Variants in CST3 observed in about 807,000 individuals in gnomAD.
The protein encoded by CST3 is cystatin-C.
In CST3, 14 loss-of-function variants were observed where a neutral mutation model predicts 9.0. That is an observed-to-expected ratio of 1.56 (90% CI 1.03 to 2.44). The LOEUF is 2.44. Ranked by LOEUF, CST3 falls within the 30% of genes most tolerant of loss-of-function variation. The pLI, the probability that CST3 is intolerant of heterozygous loss-of-function variation, is 0.00. For missense variants in CST3, 237 were observed against 204.3 expected (o/e 1.16, Z -0.98); for synonymous variants, 96 against 90.2 (o/e 1.06, Z -0.37).
downstream of CST3, chr20:23,629,250 T>G (rs192654344): frequency 6.6e-6 from 1 of 151,568 alleles, no homozygotes; most frequent in African/African-American, 2.4e-5. Flanking sequence ...AAACTGCTAT[T>G]GTTGTTGTAA....
At chr20:23,634,506 T>C (rs1405883633) in intron 2 of CST3, among the ~76,000 whole-genome samples, 4 of 152,148 alleles carry the variant, frequency 2.6e-5, no homozygotes, top group African/African-American at 7.2e-5. Context: ...TTGGAGAAGC[T>C]GGTGTTGGGT....
chr20:23,636,066 G>T (rs188571844), intron 1 of CST3, among the ~76,000 whole-genome samples: 1 of 152,252 alleles, frequency 6.6e-6, no homozygotes, highest in Admixed American at 6.5e-5. Context: ...CAAGGCCTGT[G>T]ATCCCTCTGG....
chr20:23,635,197 CACA>C, intron 2 of CST3, 54 bp downstream of exon 2: 1 of 1,423,692 alleles, frequency 7.0e-7, no homozygotes, highest in South Asian at 1.2e-5. Flanking sequence ...CACACACACA[CACA>C]CACACACCCC....
chr20:23,635,468 C>T, intron 1 of CST3, 101 bp from the exon 2 acceptor site: 3 of 1,017,034 alleles, frequency 2.9e-6, no homozygotes, highest in Non-Finnish European at 3.0e-6. Context: ...TTGCCTGGGG[C>T]TTCAAGCCTA....
chr20:23,632,533 G>A (rs531881060), downstream of CST3, among the ~76,000 whole-genome samples: 1 of 152,308 alleles, frequency 6.6e-6, no homozygotes, highest in South Asian at 2.1e-4. Flanking sequence ...TCAGGGTGGA[G>A]AGGAAAAGGA....
rs563244065 is a variant in CST3, at chr20:23,637,679, T to C, written c.184A>G (p.Lys62Glu). 12 of 1,539,814 alleles carry C rather than the reference T, an allele frequency of 7.8e-6. No individual in the cohort carries two copies. The highest frequency in any genetic ancestry group is 1.0e-5 in the Non-Finnish European group (12 of 1,143,668). ...ALDFAVGEYNKASNDMYHSRA... is the reference protein window; with the variant it reads ...ALDFAVGEYNEASNDMYHSRA... ...CTGTGGTACATGTCGTTGCTGGCTT[T>C]GTTGTACTCGCCGACGGCAAAGTCC... is the stretch of plus-strand genomic sequence containing the variant. The change falls in exon 1 of 3, where the codon AAA becomes GAA. Residue 62 changes from lysine to glutamate, a missense_variant. Coordinates refer to ENST00000376925, the MANE Select transcript of CST3 (RefSeq NM_000099.4).
chr20:23,637,627 C>T lies in CST3; in HGVS notation c.236G>A (p.Arg79His). ...GCGGGGGGCGGCACGCACCTGCTTG[C>T]GGGCGCGCACCACCTGCAGCGCGCG... ...HSRALQVVRA[R>H]KQIVAGVNYF... is the part of the protein sequence containing the mutation. The change falls in exon 1 of 3, where the codon CGC becomes CAC. Residue 79 changes from arginine to histidine, a missense_variant. Coordinates refer to ENST00000376925, the MANE Select transcript of CST3 (RefSeq NM_000099.4). 6.6e-7 allele frequency: 1 copy of T among 1,519,212 alleles called. No individual in the cohort carries two copies. Among genetic ancestry groups the T allele is most frequent in the Non-Finnish European group, 8.8e-7 (1 of 1,134,330 alleles). The allele number at this position is 1,519,212 out of a possible 1,614,324, so 94.1% of individuals were successfully genotyped here.
chr20:23,628,966 A>C (rs1359867755), downstream of CST3: 5 of 152,140 alleles, frequency 3.3e-5, no homozygotes, highest in Admixed American at 3.3e-4. Flanking sequence ...CCCAGACCTC[A>C]AGTCTTTTTT....
intron 1 of CST3, among the ~76,000 whole-genome samples, chr20:23,635,945 C>T (rs1300999933): frequency 2.0e-5 from 3 of 152,130 alleles, no homozygotes; most frequent in African/African-American, 7.2e-5. Flanking sequence ...ACAGTGCCGC[C>T]CCAAAACATG....
chr20:23,633,835 C>A lies in CST3; in HGVS notation c.*81G>T, dbSNP rs896703062. The A allele has an allele frequency of 1.4e-5, 17 of 1,233,544 alleles. No individual in the cohort carries two copies. Among genetic ancestry groups the A allele is most frequent in the Non-Finnish European group, 2.0e-5 (17 of 835,980 alleles). 76.4% of individuals were successfully genotyped at this position (1,233,544 alleles called of 1,614,324 possible). A position where few individuals can be genotyped will look rare whatever the true frequency, so the allele number is the denominator to read the frequency against. On this transcript the variant is annotated 3_prime_UTR_variant, in exon 3 of 3. Coordinates refer to ENST00000376925, the MANE Select transcript of CST3 (RefSeq NM_000099.4). The stretch of plus-strand genomic sequence containing the variant: ...GGGGAGACCTTCCCCAAGGCAGGGG[C>A]CACCAGTCCAGGGGTGGGAATACAG...
rs1351673053 is a variant in CST3, at chr20:23,637,950, G to A, written c.-88C>T. 3 of 1,303,660 alleles carry A rather than the reference G, an allele frequency of 2.3e-6. No homozygotes were observed. The highest frequency in any genetic ancestry group is 3.2e-5 in the East Asian group (1 of 31,510). 80.8% of individuals were successfully genotyped at this position (1,303,660 alleles called of 1,614,324 possible). On this transcript the variant is annotated 5_prime_UTR_variant, in exon 1 of 3. Transcript: ENST00000376925. ...AGGACCCGCTGCGATACCGAGGCGA[G>A]GCCGTGAGCCCCGCGAGGCCGGCGA...
chr20:23,635,150 C>G (rs1979611233), intron 2 of CST3, 104 bp downstream of exon 2: 1 of 1,001,028 alleles, frequency 1.0e-6, no homozygotes, highest in African/African-American at 1.6e-5. Context: ...CACACTCAGG[C>G]ACATGCACAC....
intron 1 of CST3, 88 bp from the exon 2 acceptor site, chr20:23,635,455 G>C (rs1889620617): frequency 8.5e-7 from 1 of 1,173,108 alleles, no homozygotes; most frequent in African/African-American, 1.5e-5. Flanking sequence ...CGGGTCACTG[G>C]GCTTGCCTGG....
intron 1 of CST3, among the ~76,000 whole-genome samples, chr20:23,636,659 T>G (rs895854175): frequency 1.3e-5 from 2 of 152,106 alleles, no homozygotes; most frequent in African/African-American, 2.4e-5. Context: ...ATGGCCTAGA[T>G]CTCATCTTGA....
At position 23,635,311 on chromosome 20, in the gene CST3, G is replaced by C. The variant is rs200401591; in HGVS notation, c.300C>G (p.Thr100=). The stretch of plus-strand genomic sequence containing the variant: ...AGTTGTCCAAGTTGGGCTGGGTCTT[G>C]GTACACGTGGTTCGGCCCAGCTCCA... ...LDVELGRTTC[T]KTQPNLDNCP... is the part of the protein sequence containing the mutation. Residue 100 remains threonine, a synonymous_variant, in exon 2 of 3, where the codon ACC becomes ACG. Coordinates refer to ENST00000376925, the MANE Select transcript of CST3 (RefSeq NM_000099.4). The C allele has an allele frequency of 6.2e-7, 1 of 1,614,116 alleles. No individual in the cohort carries two copies. Among genetic ancestry groups the C allele is most frequent in the Non-Finnish European group, 8.5e-7 (1 of 1,180,022 alleles).
chr20:23,634,285 C>T (rs1333875481), intron 2 of CST3, among the ~76,000 whole-genome samples: 2 of 152,148 alleles, frequency 1.3e-5, no homozygotes, highest in African/African-American at 4.8e-5. Flanking sequence ...CTGTGCAAGG[C>T]CTCGGGAGCC....
intron 1 of CST3, among the ~76,000 whole-genome samples, chr20:23,636,516 G>A (rs1979681645): frequency 6.6e-6 from 1 of 152,174 alleles, no homozygotes; most frequent in Non-Finnish European, 1.5e-5. Flanking sequence ...GCCGGCCTGA[G>A]GGTGAAGGCC....
intron 1 of CST3, 88 bp downstream of exon 1, chr20:23,637,532 G>T (rs1187703485): frequency 1.6e-6 from 2 of 1,271,186 alleles, no homozygotes; most frequent in South Asian, 3.5e-5. Context: ...AGGCGCCGGA[G>T]AGGAGCAGCA....
chr20:23,628,883 G>C (rs1202089765), downstream of CST3: 9 of 152,244 alleles, frequency 5.9e-5, no homozygotes, highest in African/African-American at 2.2e-4. Context: ...ACCAGGCCTG[G>C]TTTCCTTGCT....
Sources: allele counts gnomAD v4.1 joint callset (sites outside exome capture counted in the v4.1 genomes callset), GRCh38; gene constraint gnomAD v4.1.1; transcripts MANE v1.5; gene names NCBI Gene and HGNC (gene_info 2026-07-23, HGNC 2026-07-21).